FRMD5: variants seen among roughly 807,000 people sequenced by gnomAD.
FRMD5 encodes the protein FERM domain containing 5, also known as FERM domain-containing protein 5.
FRMD5 carries 20 observed loss-of-function variants against 69.0 expected under a neutral mutation model. That is an observed-to-expected ratio of 0.29 (90% CI 0.20 to 0.42). The LOEUF (loss-of-function observed/expected upper bound fraction) is 0.42. FRMD5 is among the 10% of genes least tolerant of loss of function. The pLI, the probability that FRMD5 is intolerant of heterozygous loss-of-function variation, is 1.00. For synonymous variants in FRMD5, 271 were observed against 260.1 expected (o/e 1.04, Z -0.40); for missense variants, 595 against 708.6 (o/e 0.84, Z 1.82).
At chr15:44,154,014 T>A (rs1270079331) in intron 1 of FRMD5, among the ~76,000 whole-genome samples, 1 of 152,012 alleles carries the variant, frequency 6.6e-6, no homozygotes, top group Non-Finnish European at 1.5e-5. Flanking sequence ...TAATTTTAAG[T>A]ACAATTAAAA....
chr15:44,055,918 C>A (rs117473680), intron 1 of FRMD5, among the ~76,000 whole-genome samples: 2 of 152,140 alleles, frequency 1.3e-5, no homozygotes, highest in Non-Finnish European at 2.9e-5. Context: ...CTTTTCTTTG[C>A]GTGATCTTCT....
intron 1 of FRMD5, among the ~76,000 whole-genome samples, chr15:44,003,674 T>A (rs920875805): frequency 2.6e-5 from 4 of 152,146 alleles, no homozygotes; most frequent in Admixed American, 2.6e-4. Flanking sequence ...CAATCTCACT[T>A]CAACAAGGCC....
rs563941249 is a variant in FRMD5 at position 43,967,122 on chromosome 15, T to C, written c.103-42813A>G. On this transcript the variant is annotated intron_variant, in intron 1 of 13. Coordinates refer to ENST00000417257, the MANE Select transcript of FRMD5 (RefSeq NM_032892.5). ...AACTTTGGATAGATGCATAGTTCAA[T>C]TAAAAATTATTTGGATTTACAGTTT... is the stretch of plus-strand genomic sequence containing the variant. Among the ~76,000 whole-genome samples, 3 of 152,222 alleles carry C rather than the reference T, an allele frequency of 2.0e-5. No homozygotes were observed. In the East Asian group the frequency reaches 5.8e-4, roughly 29 times the overall value.
chr15:44,019,991 T>C (rs1326974600), intron 1 of FRMD5, among the ~76,000 whole-genome samples: 1 of 152,058 alleles, frequency 6.6e-6, no homozygotes, highest in Admixed American at 6.6e-5. Flanking sequence ...GCAAAATATT[T>C]ATTTATAAAG....
chr15:43,874,864 C>G (rs141131899), intron 13 of FRMD5, among the ~76,000 whole-genome samples: 3 of 152,014 alleles, frequency 2.0e-5, no homozygotes, highest in African/African-American at 7.2e-5. Flanking sequence ...CGCACTATTA[C>G]ACTCCATCCT....
intron 2 of FRMD5, among the ~76,000 whole-genome samples, chr15:43,921,697 A>G (rs1010327982): frequency 6.6e-6 from 1 of 152,224 alleles, no homozygotes; most frequent in East Asian, 1.9e-4. Context: ...GAAGATTCAG[A>G]GAGGAGGGTT....
chr15:44,133,304 C>T (rs550191883), intron 1 of FRMD5, among the ~76,000 whole-genome samples: 34 of 151,698 alleles, frequency 2.2e-4, no homozygotes, highest in South Asian at 8.3e-4. Flanking sequence ...AGGCCGGGCA[C>T]GGTGGCTCAC....
intron 1 of FRMD5, chr15:43,989,888 TG>T: frequency 9.1e-7 from 1 of 1,100,286 alleles, no homozygotes; most frequent in Non-Finnish European, 1.4e-6. Flanking sequence ...GGGTGCTCCT[TG>T]GCAGCCACAC....
At chr15:44,086,468 A>C (rs865797469) in intron 1 of FRMD5, among the ~76,000 whole-genome samples, 1 of 152,220 alleles carries the variant, frequency 6.6e-6, no homozygotes, top group South Asian at 2.1e-4. Context: ...AAGGCCACAT[A>C]TTAGATAATT....
intron 1 of FRMD5, among the ~76,000 whole-genome samples, chr15:43,941,835 A>C (rs2140489249): frequency 6.6e-6 from 1 of 152,316 alleles, no homozygotes; most frequent in Middle Eastern, 3.4e-3. Flanking sequence ...TTTCATAAGA[A>C]AGTGGGTCAA....
chr15:43,920,129 A>G (rs1325493506), intron 2 of FRMD5, among the ~76,000 whole-genome samples: 1 of 152,214 alleles, frequency 6.6e-6, no homozygotes. Flanking sequence ...GACTGCATGT[A>G]TGTGTGGCGG....
chr15:44,050,064 T>C (rs1392160587), intron 1 of FRMD5, among the ~76,000 whole-genome samples: 2 of 152,200 alleles, frequency 1.3e-5, no homozygotes, highest in African/African-American at 2.4e-5. Flanking sequence ...GTTTAGTGAA[T>C]AAACTTTTTA....
At chr15:44,081,004 G>A (rs970918697) in intron 1 of FRMD5, among the ~76,000 whole-genome samples, 1 of 151,750 alleles carries the variant, frequency 6.6e-6, no homozygotes, top group African/African-American at 2.4e-5. Flanking sequence ...TTTTTTTGTT[G>A]TTGTTCATTT....
chr15:43,874,126 T>C lies in FRMD5; in HGVS notation c.1472A>G (p.Glu491Gly), dbSNP rs1210513640. 6 of 1,614,058 alleles carry C rather than the reference T, an allele frequency of 3.7e-6. No homozygotes were observed. In the Admixed American group the frequency reaches 1.0e-4, roughly 27 times the overall value. ...ALCQGHSGPE[E>G]EQVNKFVLSV... ...TAGAACAAACTTATTCACCTGTTCCTCCTCGGGCCCGCTGTGCCCCTGACA... is the reference window on the plus strand; with the variant it reads ...TAGAACAAACTTATTCACCTGTTCCCCCTCGGGCCCGCTGTGCCCCTGACA... Residue 491 changes from glutamate (E) to glycine (G), a missense_variant, in exon 14 of 14, where the codon GAG (glutamate) becomes GGG (glycine). Physicochemically the swap from Glu to Gly is moderately conservative, Grantham distance 98 (BLOSUM62 -2). This residue lies in a region of FRMD5 where 245 missense variants were observed against 227.1 expected (regional missense o/e 1.08). Coordinates refer to ENST00000417257, the MANE Select transcript of FRMD5 (RefSeq NM_032892.5).
intron 1 of FRMD5, among the ~76,000 whole-genome samples, chr15:43,988,359 T>TC (rs1889499268): frequency 6.7e-6 from 1 of 149,968 alleles, no homozygotes; most frequent in East Asian, 1.9e-4. Context: ...CATTAGCACT[T>TC]TTTTTTTTTT....
At chr15:44,157,464 T>G (rs954202691) in intron 1 of FRMD5, among the ~76,000 whole-genome samples, 3 of 152,212 alleles carry the variant, frequency 2.0e-5, no homozygotes, top group African/African-American at 7.2e-5. Context: ...CACTGTAGTA[T>G]CCTACAGGTA....
intron 1 of FRMD5, among the ~76,000 whole-genome samples, chr15:43,929,163 G>A (rs1452755377): frequency 6.6e-6 from 1 of 152,138 alleles, no homozygotes; most frequent in Non-Finnish European, 1.5e-5. Flanking sequence ...CTCCTCCCTG[G>A]AACGCCTGGT....
At chr15:44,170,082 C>T (rs980316533) in intron 1 of FRMD5, among the ~76,000 whole-genome samples, 3 of 152,022 alleles carry the variant, frequency 2.0e-5, no homozygotes, top group African/African-American at 4.8e-5. Flanking sequence ...ACTTTTGCCA[C>T]GTGGTTGCTT....
At chr15:44,087,837 T>A (rs2140470272) in intron 1 of FRMD5, among the ~76,000 whole-genome samples, 1 of 152,142 alleles carries the variant, frequency 6.6e-6, no homozygotes, top group Non-Finnish European at 1.5e-5. Flanking sequence ...AAATTTGGTG[T>A]TCCAGCCCAG....
Sources: allele counts gnomAD v4.1 joint callset (sites outside exome capture counted in the v4.1 genomes callset), GRCh38; gene constraint gnomAD v4.1.1; regional missense constraint gnomAD v4.1.1; transcripts MANE v1.5; gene names NCBI Gene and HGNC (gene_info 2026-07-23, HGNC 2026-07-21).